Variants in MYO5B observed in about 807,000 individuals in gnomAD.
The protein encoded by MYO5B is unconventional myosin-Vb.
In MYO5B, 143 loss-of-function variants were observed where a neutral mutation model predicts 229.3. The observed-to-expected ratio is 0.62, with a 90% CI of 0.54 to 0.72. MYO5B has a LOEUF of 0.72. Among genes scored for constraint, MYO5B ranks in the 30% least tolerant of loss-of-function variants. MYO5B has a pLI of 0.00. For missense variants in MYO5B, 2,321 were observed against 2,331.0 expected (o/e 1.00, Z 0.09); for synonymous variants, 918 against 885.2 (o/e 1.04, Z -0.66).
rs560489101 is a variant in MYO5B at position 49,864,097 on chromosome 18, G to C, written c.3843+44C>G. On this transcript the variant is annotated intron_variant, in intron 28 of 39. Transcript: ENST00000285039. ...TAAAAAAACACTAATCTACCACCTA[G>C]GGTCACCCCTCGGCAGCCCCACCGC... 1.8e-5 allele frequency: 29 copies of C among 1,599,644 alleles called. 1 individual carries two copies. The Admixed American group carries it at 4.5e-4, about 25-fold the overall frequency.
intron 28 of MYO5B, 32 bp downstream of exon 28, chr18:49,864,109 G>A (rs1015619821): frequency 8.7e-6 from 14 of 1,602,384 alleles, no homozygotes; most frequent in African/African-American, 1.3e-5. Flanking sequence ...GTCACCCCTC[G>A]GCAGCCCCAC....
chr18:49,934,638 G>T (rs1384467797), intron 16 of MYO5B, among the ~76,000 whole-genome samples: 3 of 152,184 alleles, frequency 2.0e-5, no homozygotes, highest in African/African-American at 7.2e-5. Context: ...CACACACTAC[G>T]CTTCTAACAG....
chr18:50,019,136 C>T (rs2026247666), intron 4 of MYO5B, among the ~76,000 whole-genome samples: 3 of 152,198 alleles, frequency 2.0e-5, no homozygotes, highest in Admixed American at 2.0e-4. Flanking sequence ...ACCTCATTGA[C>T]ATTTGAAAAG....
intron 1 of MYO5B, among the ~76,000 whole-genome samples, chr18:50,067,570 TGA>T (rs1256514298): frequency 6.6e-6 from 1 of 152,174 alleles, no homozygotes; most frequent in East Asian, 1.9e-4. Context: ...AGACCCCTGA[TGA>T]ATAGATTAAT....
At chr18:50,108,766 A>G (rs927751866) in intron 1 of MYO5B, among the ~76,000 whole-genome samples, 8 of 152,122 alleles carry the variant, frequency 5.3e-5, no homozygotes, top group Admixed American at 5.2e-4. Context: ...ATATGTAGTA[A>G]CTCTACTATT....
At chr18:50,164,200 C>T (rs992261523) in intron 1 of MYO5B, among the ~76,000 whole-genome samples, 3 of 152,212 alleles carry the variant, frequency 2.0e-5, no homozygotes, top group Admixed American at 6.5e-5. Context: ...CAACTTTGGG[C>T]GCCTTTCGCA....
intron 16 of MYO5B, among the ~76,000 whole-genome samples, chr18:49,930,345 T>C (rs888060874): frequency 1.3e-5 from 2 of 152,178 alleles, no homozygotes; most frequent in Admixed American, 6.5e-5. Flanking sequence ...CTTTCCAGTC[T>C]TCAGAGATAT....
chr18:50,006,005 G>A (rs2026097502), intron 4 of MYO5B, among the ~76,000 whole-genome samples: 1 of 152,182 alleles, frequency 6.6e-6, no homozygotes, highest in African/African-American at 2.4e-5. Context: ...TTTGAAGTCA[G>A]TCCCAGTGAG....
intron 4 of MYO5B, among the ~76,000 whole-genome samples, chr18:50,033,694 C>A (rs2026415800): frequency 6.6e-6 from 1 of 152,234 alleles, no homozygotes; most frequent in Non-Finnish European, 1.5e-5. Flanking sequence ...TGGAGGTAAG[C>A]CCCTTCCTCA....
intron 4 of MYO5B, among the ~76,000 whole-genome samples, chr18:50,008,758 A>T (rs971778222): frequency 6.6e-6 from 1 of 152,160 alleles, no homozygotes; most frequent in Non-Finnish European, 1.5e-5. Flanking sequence ...GCCCCTCTAT[A>T]TCATTTCATC....
At chr18:50,031,538 T>G (rs529324208) in intron 4 of MYO5B, among the ~76,000 whole-genome samples, 3 of 152,146 alleles carry the variant, frequency 2.0e-5, no homozygotes, top group African/African-American at 7.2e-5. Context: ...ACAAAAGAAA[T>G]AGAACATAAC....
At chr18:50,053,474 C>A (rs1484663505) in intron 2 of MYO5B, among the ~76,000 whole-genome samples, 1 of 152,178 alleles carries the variant, frequency 6.6e-6, no homozygotes, top group Non-Finnish European at 1.5e-5. Context: ...GAAACGAAAT[C>A]TGCTGGAGTA....
intron 1 of MYO5B, among the ~76,000 whole-genome samples, chr18:50,123,537 G>A (rs2032105740): frequency 6.6e-6 from 1 of 151,858 alleles, no homozygotes; most frequent in African/African-American, 2.4e-5. Flanking sequence ...GACCAGCCTG[G>A]GCAACATAGC....
chr18:50,031,994 C>T (rs1208591178), intron 4 of MYO5B, among the ~76,000 whole-genome samples: 8 of 152,208 alleles, frequency 5.3e-5, no homozygotes. Context: ...GTTTCCCAAA[C>T]TCGTTTGGCC....
At chr18:49,908,765 A>G (rs569995264) in intron 18 of MYO5B, among the ~76,000 whole-genome samples, 2 of 152,312 alleles carry the variant, frequency 1.3e-5, no homozygotes, top group South Asian at 2.1e-4. Context: ...AGTAGGGTCC[A>G]TGTAATGCAC....
intron 1 of MYO5B, among the ~76,000 whole-genome samples, chr18:50,186,124 G>T (rs539892973): frequency 6.6e-6 from 1 of 152,168 alleles, no homozygotes; most frequent in Admixed American, 6.5e-5. Flanking sequence ...AGGATATTTC[G>T]CATACATTTT....
chr18:49,856,762 G>T (rs370987024), intron 30 of MYO5B, 51 bp downstream of exon 30: 2 of 1,465,812 alleles, frequency 1.4e-6, no homozygotes, highest in African/African-American at 2.8e-5. Context: ...GCATAGACAT[G>T]AGCAGGCCCA....
At chr18:50,192,286 A>G (rs1435958110) in intron 1 of MYO5B, among the ~76,000 whole-genome samples, 1 of 152,220 alleles carries the variant, frequency 6.6e-6, no homozygotes, top group Non-Finnish European at 1.5e-5. Context: ...TGGAAATTCT[A>G]AACAAGTGAG....
At chr18:50,062,916 G>T (rs555709918) in intron 1 of MYO5B, among the ~76,000 whole-genome samples, 1 of 152,192 alleles carries the variant, frequency 6.6e-6, no homozygotes, top group East Asian at 1.9e-4. Flanking sequence ...TCTGAGGCTC[G>T]GCTTCCTCAG....
Sources: gnomAD v4.1 joint callset for allele counts (sites outside exome capture counted in the v4.1 genomes callset) on GRCh38, gnomAD v4.1.1 for gene constraint, MANE v1.5 for transcripts, NCBI Gene and HGNC (gene_info 2026-07-23, HGNC 2026-07-21) for gene names.